RSBN1L: variants seen among roughly 807,000 people sequenced by gnomAD.
RSBN1L encodes the protein lysine-specific demethylase RSBN1L.
A neutral mutation model predicts 67.7 loss-of-function variants in RSBN1L; 30 were observed. That is an observed-to-expected ratio of 0.44 (90% confidence interval 0.33 to 0.60). RSBN1L has a LOEUF of 0.60. Among genes scored for constraint, RSBN1L ranks in the 20% least tolerant of loss-of-function variants. The pLI is 0.02. For synonymous variants in RSBN1L, 433 were observed against 387.0 expected (o/e 1.12, Z -1.39); for missense variants, 992 against 1,031.7 (o/e 0.96, Z 0.53).
intron 2 of RSBN1L, among the ~76,000 whole-genome samples, chr7:77,746,327 C>T (rs563267501): frequency 2.0e-5 from 3 of 152,280 alleles, no homozygotes; most frequent in African/African-American, 7.2e-5. Flanking sequence ...GCACGCCGTA[C>T]ATGGCCAGAG....
intron 1 of RSBN1L, among the ~76,000 whole-genome samples, chr7:77,732,665 G>A (rs1791286386): frequency 6.6e-6 from 1 of 152,102 alleles, no homozygotes; most frequent in Non-Finnish European, 1.5e-5. Context: ...AACATACTAC[G>A]ATACATTAGT....
At chr7:77,713,359 T>C (rs940591565) in intron 1 of RSBN1L, among the ~76,000 whole-genome samples, 8 of 145,954 alleles carry the variant, frequency 5.5e-5, no homozygotes, top group Non-Finnish European at 9.1e-5. Flanking sequence ...TCTCTCTTCC[T>C]TTTTTTTTTT....
At chr7:77,743,806 T>A (rs1021918318) in intron 2 of RSBN1L, among the ~76,000 whole-genome samples, 2 of 152,188 alleles carry the variant, frequency 1.3e-5, no homozygotes, top group African/African-American at 4.8e-5. Flanking sequence ...TAAATTCTAT[T>A]TTTTATTGCA....
At chr7:77,705,552 C>T (rs1024666047) in intron 1 of RSBN1L, among the ~76,000 whole-genome samples, 1 of 121,938 alleles carries the variant, frequency 8.2e-6, no homozygotes, top group South Asian at 2.7e-4. Flanking sequence ...TGCTCTGTTG[C>T]CCAGGCTGGA....
At chr7:77,698,092 C>A (rs1206035650) in intron 1 of RSBN1L, among the ~76,000 whole-genome samples, 1 of 152,230 alleles carries the variant, frequency 6.6e-6, no homozygotes, top group Non-Finnish European at 1.5e-5. Flanking sequence ...CTAACAGTAG[C>A]TCAGATCATG....
At chr7:77,768,123 C>T (rs554646698) in intron 4 of RSBN1L, among the ~76,000 whole-genome samples, 10 of 151,318 alleles carry the variant, frequency 6.6e-5, no homozygotes, top group East Asian at 2.0e-4. Flanking sequence ...CCAAAGTGCT[C>T]GGATTACAGG....
In RSBN1L at chr7:77,778,253, A is replaced by G. The variant is rs1206780422; in HGVS notation, c.1794-85A>G. The G allele has an allele frequency of 1.0e-5, 9 of 857,492 alleles. No individual in the cohort carries two copies. In the East Asian group the frequency reaches 1.7e-4, roughly 16 times the overall value. The allele number at this position is 857,492 out of a possible 1,614,324, so 53.1% of individuals were successfully genotyped here. A position where few individuals can be genotyped will look rare whatever the true frequency, so the allele number is the denominator to read the frequency against. ...AAGACAGTACTATGGTATTGACCATAAAGTATTTTTGCTTTGAGTTTAATA... is the reference window on the plus strand; with the variant it reads ...AAGACAGTACTATGGTATTGACCATGAAGTATTTTTGCTTTGAGTTTAATA... On this transcript the variant is annotated intron_variant, in intron 6 of 7. Coordinates refer to ENST00000334955, the MANE Select transcript of RSBN1L (RefSeq NM_198467.3).
rs1350855188 is a variant in RSBN1L, at chr7:77,778,427, A to G, written c.1883A>G (p.His628Arg). 6.2e-7 allele frequency: 1 copy of G among 1,612,334 alleles called. No homozygotes were observed. The highest frequency in any genetic ancestry group is 1.7e-5 in the Admixed American group (1 of 59,766). Residue 628 changes from histidine (H) to arginine (R), a missense_variant, in exon 7 of 8, where the codon CAT (histidine) becomes CGT (arginine). His to Arg is a conservative substitution (Grantham distance 29, BLOSUM62 0). Transcript: ENST00000334955. ...EVVQRMQLDL[H>R]EPPLSQCVQW... ...GTTCAACGAATGCAGTTAGATTTACATGAACCTCCACTGTCCCAGGTATTT... is the reference window on the plus strand; with the variant it reads ...GTTCAACGAATGCAGTTAGATTTACGTGAACCTCCACTGTCCCAGGTATTT...
At chr7:77,738,714 G>A (rs531120163) in intron 2 of RSBN1L, among the ~76,000 whole-genome samples, 4 of 152,184 alleles carry the variant, frequency 2.6e-5, no homozygotes, top group South Asian at 2.1e-4. Flanking sequence ...TTGGGAGGCC[G>A]AGGCAGGTGG....
intron 1 of RSBN1L, among the ~76,000 whole-genome samples, chr7:77,731,092 A>C (rs73374110): frequency 2.0e-5 from 3 of 151,956 alleles, no homozygotes; most frequent in Non-Finnish European, 4.4e-5. Flanking sequence ...GTGGTATCTC[A>C]TTTTTGTTTT....
At chr7:77,720,554 C>T (rs1315342580) in intron 1 of RSBN1L, among the ~76,000 whole-genome samples, 1 of 151,432 alleles carries the variant, frequency 6.6e-6, no homozygotes, top group East Asian at 1.9e-4. Context: ...AGCGAAACTC[C>T]GTTAAAAAAA....
chr7:77,767,406 C>T (rs1584302905), intron 4 of RSBN1L, among the ~76,000 whole-genome samples: 1 of 151,874 alleles, frequency 6.6e-6, no homozygotes, highest in South Asian at 2.1e-4. Flanking sequence ...TGGAGTCTCG[C>T]TGTGTCATCC....
In RSBN1L at chr7:77,696,818, T is replaced by G; in HGVS notation, c.349T>G (p.Ser117Ala). ...TGGCACGGCCGTTCCCTCCTCAGCC[T>G]CCGCTTCCTTGTCTCAGCCGGTGCC... ...SAGTAVPSSA[S>A]ASLSQPVPRK... Residue 117 changes from serine (S) to alanine (A), a missense_variant, in exon 1 of 8, where the codon TCC (serine) becomes GCC (alanine). This residue lies in a region of RSBN1L where 575 missense variants were observed against 483.2 expected (regional missense o/e 1.19). Coordinates refer to ENST00000334955, the MANE Select transcript of RSBN1L (RefSeq NM_198467.3). 6.2e-7 allele frequency: 1 copy of G among 1,613,626 alleles called. No individual in the cohort carries two copies. Among genetic ancestry groups the G allele is most frequent in the Non-Finnish European group, 8.5e-7 (1 of 1,179,990 alleles).
intron 2 of RSBN1L, among the ~76,000 whole-genome samples, chr7:77,744,258 A>T (rs1791451177): frequency 1.3e-5 from 2 of 151,798 alleles, no homozygotes; most frequent in Non-Finnish European, 2.9e-5. Context: ...CTGGTCTGGA[A>T]CTGCTGTGTG....
intron 3 of RSBN1L, among the ~76,000 whole-genome samples, chr7:77,750,758 T>C (rs905956906): frequency 6.6e-6 from 1 of 152,124 alleles, no homozygotes; most frequent in Non-Finnish European, 1.5e-5. Flanking sequence ...GATGCTGTAG[T>C]TTTTGGTTTT....
intron 6 of RSBN1L, among the ~76,000 whole-genome samples, chr7:77,777,674 T>G (rs1014405470): frequency 1.1e-4 from 17 of 152,112 alleles, no homozygotes. Context: ...AGAAATTTAG[T>G]TATGATTTGC....
intron 2 of RSBN1L, among the ~76,000 whole-genome samples, chr7:77,746,710 TA>T (rs1302961485): frequency 6.6e-6 from 1 of 152,172 alleles, no homozygotes; most frequent in Non-Finnish European, 1.5e-5. Context: ...GTATAAAATA[TA>T]AAACAAGTTA....
chr7:77,728,609 G>C (rs1214544929), intron 1 of RSBN1L, among the ~76,000 whole-genome samples: 3 of 152,208 alleles, frequency 2.0e-5, no homozygotes, highest in African/African-American at 7.2e-5. Context: ...AGTTTCCTGG[G>C]CTGTCTCTAG....
intron 5 of RSBN1L, among the ~76,000 whole-genome samples, chr7:77,770,766 G>A (rs1198050375): frequency 2.0e-5 from 3 of 152,154 alleles, no homozygotes; most frequent in African/African-American, 7.2e-5. Flanking sequence ...ACAGCCAAAT[G>A]TAGAGTAATG....
Sources: gnomAD v4.1 joint callset for allele counts (sites outside exome capture counted in the v4.1 genomes callset) on GRCh38, gnomAD v4.1.1 for gene constraint, gnomAD v4.1.1 regional missense constraint, MANE v1.5 for transcripts, NCBI Gene and HGNC (gene_info 2026-07-23, HGNC 2026-07-21) for gene names.